RNF141: variants seen among roughly 807,000 people sequenced by gnomAD.
RNF141 encodes the protein ring finger protein 141, also known as C3HC4-like zinc finger protein.
In RNF141, 18 loss-of-function variants were observed where a neutral mutation model predicts 27.4. That is an observed-to-expected ratio of 0.66 (90% CI 0.45 to 0.97). The LOEUF (loss-of-function observed/expected upper bound fraction) is 0.97. Among genes scored for constraint, RNF141 ranks in the 50% least tolerant of loss-of-function variants. The probability of loss-of-function intolerance (pLI) is 0.00; values close to 1 mark genes in which losing one functional copy is unlikely to be tolerated. For missense variants in RNF141, 230 were observed against 279.4 expected, an observed-to-expected ratio of 0.82 and a Z score of 1.26; for synonymous variants, 97 against 96.6, an observed-to-expected ratio of 1.00 and a Z score of -0.02.
At chr11:10,520,388 AAC>A (rs1270166928) in intron 4 of RNF141, among the ~76,000 whole-genome samples, 1 of 152,160 alleles carries the variant, frequency 6.6e-6, no homozygotes, top group Non-Finnish European at 1.5e-5. Flanking sequence ...ACTAAGACAT[AAC>A]ACACACATTA....
chr11:10,540,927 G>A (rs1485052052), intron 1 of RNF141, 195 bp downstream of exon 1: 1 of 152,276 alleles, frequency 6.6e-6, no homozygotes, highest in Non-Finnish European at 1.5e-5. Flanking sequence ...GGCAGAAGAC[G>A]GGCGTCAATA....
At chr11:10,540,413 C>T (rs1850085922) in intron 1 of RNF141, among the ~76,000 whole-genome samples, 1 of 152,128 alleles carries the variant, frequency 6.6e-6, no homozygotes, top group African/African-American at 2.4e-5. Flanking sequence ...TTTGTAACGC[C>T]GAGACAAATA....
chr11:10,534,097 G>C lies in RNF141; in HGVS notation c.62C>G (p.Ala21Gly). The change falls in exon 2 of 6, where the codon GCA (alanine) becomes GGA (glycine). Residue 21 changes from alanine (A) to glycine (G), a missense_variant. By Grantham distance (60) the Ala-to-Gly change is moderately conservative. Transcript: ENST00000265981. ...LVINKLPEKV[A>G]KHVTLVRESG... The stretch of plus-strand genomic sequence containing the variant: ...CTCTCGAACCAACGTAACATGTTTT[G>C]CTACTTTTTCTGGTAACTTGTTAAT... 1.2e-6 allele frequency: 2 copies of C among 1,613,600 alleles called. No individual in the cohort carries two copies. Among genetic ancestry groups the C allele is most frequent in the Non-Finnish European group, 8.5e-7 (1 of 1,179,658 alleles).
chr11:10,524,476 C>T lies in RNF141; in HGVS notation c.434+716G>A, dbSNP rs1849915106. Among the ~76,000 whole-genome samples, 3 of 152,232 alleles carry T rather than the reference C, an allele frequency of 2.0e-5. No homozygotes were observed. The South Asian group carries it at 6.2e-4, about 32-fold the overall frequency. On this transcript the variant is annotated intron_variant, in intron 4 of 5. Transcript: ENST00000265981. ...AGGACACGGTGAATATAGATTTCTG[C>T]TATCTACCCAGTATGACAGTAAGAC...
chr11:10,536,966 T>C (rs1850042957), intron 1 of RNF141, among the ~76,000 whole-genome samples: 1 of 152,104 alleles, frequency 6.6e-6, no homozygotes, highest in Non-Finnish European at 1.5e-5. Context: ...AATTAGAACA[T>C]ATTCATGGGC....
intron 3 of RNF141, among the ~76,000 whole-genome samples, chr11:10,525,633 G>A (rs1192985553): frequency 6.6e-6 from 1 of 152,186 alleles, no homozygotes; most frequent in Non-Finnish European, 1.5e-5. Flanking sequence ...TTATGCTGTT[G>A]ATGGGTAAGG....
At chr11:10,535,372 AAAC>A (rs200764136) in intron 1 of RNF141, among the ~76,000 whole-genome samples, 1,954 of 151,702 alleles carry the variant, frequency 0.013, 37 homozygotes, top group African/African-American at 0.044. Context: ...AAAAAACAAA[AAAC>A]AACAGTTTTG....
intron 1 of RNF141, among the ~76,000 whole-genome samples, chr11:10,538,417 T>C (rs1314729798): frequency 6.6e-6 from 1 of 152,216 alleles, no homozygotes; most frequent in Non-Finnish European, 1.5e-5. Context: ...CTGCATACAA[T>C]ATAAAACCAC....
chr11:10,525,928 A>T (rs1849932393), intron 3 of RNF141, among the ~76,000 whole-genome samples: 1 of 152,168 alleles, frequency 6.6e-6, no homozygotes, highest in Admixed American at 6.5e-5. Context: ...GTTTAATATG[A>T]GGTGAAACCA....
intron 1 of RNF141, among the ~76,000 whole-genome samples, chr11:10,537,593 T>G (rs962537568): frequency 2.0e-5 from 3 of 151,934 alleles, no homozygotes; most frequent in Non-Finnish European, 4.4e-5. Flanking sequence ...TAAGACAGAT[T>G]AACAGGAGAA....
intron 1 of RNF141, chr11:10,540,810 T>G (rs1049908465): frequency 6.6e-6 from 1 of 152,204 alleles, no homozygotes; most frequent in Non-Finnish European, 1.5e-5. Flanking sequence ...GGCGGCAATA[T>G]TCAAACAACC....
chr11:10,527,852 A>T (rs905920744), intron 3 of RNF141, among the ~76,000 whole-genome samples: 1 of 152,162 alleles, frequency 6.6e-6, no homozygotes, highest in African/African-American at 2.4e-5. Context: ...GGGTGGTAGT[A>T]GCGTAGATGG....
chr11:10,518,432 T>C (rs1849859526), intron 5 of RNF141: 1 of 151,896 alleles, frequency 6.6e-6, no homozygotes, highest in Non-Finnish European at 1.5e-5. Context: ...TATTGATACA[T>C]GCTACAACAT....
At chr11:10,539,481 A>T (rs1850066408) in intron 1 of RNF141, among the ~76,000 whole-genome samples, 1 of 151,594 alleles carries the variant, frequency 6.6e-6, no homozygotes, top group Admixed American at 6.6e-5. Flanking sequence ...ATCAGTAATA[A>T]ATACCAAGTA....
At chr11:10,536,051 GAC>G (rs1850031883) in intron 1 of RNF141, among the ~76,000 whole-genome samples, 1 of 152,178 alleles carries the variant, frequency 6.6e-6, no homozygotes, top group Non-Finnish European at 1.5e-5. Flanking sequence ...GTGGAGAAGA[GAC>G]AGTAACCACA....
At chr11:10,533,582 CAT>C (rs889312957) in intron 2 of RNF141, among the ~76,000 whole-genome samples, 15 of 152,090 alleles carry the variant, frequency 9.9e-5, no homozygotes, top group African/African-American at 2.6e-4. Context: ...TACACACACA[CAT>C]GAATGAATTG....
intron 3 of RNF141, among the ~76,000 whole-genome samples, 197 bp from the exon 4 acceptor site, chr11:10,525,570 T>C (rs562002058): frequency 1.7e-4 from 26 of 152,326 alleles, no homozygotes; most frequent in African/African-American, 6.3e-4. Context: ...AAACTTCTTA[T>C]ACAAATTTAC....
chr11:10,526,627 C>T (rs1849938180), intron 3 of RNF141, among the ~76,000 whole-genome samples: 1 of 151,808 alleles, frequency 6.6e-6, no homozygotes, highest in African/African-American at 2.4e-5. Flanking sequence ...ACTAAAAGTA[C>T]AAAAAATTAG....
chr11:10,539,599 T>C (rs943707082), intron 1 of RNF141, among the ~76,000 whole-genome samples: 9 of 141,088 alleles, frequency 6.4e-5, no homozygotes, highest in Non-Finnish European at 1.1e-4. Flanking sequence ...CAAGTTAATA[T>C]AGATACATAG....
Sources: gnomAD v4.1 joint callset for allele counts (sites outside exome capture counted in the v4.1 genomes callset) on GRCh38, gnomAD v4.1.1 for gene constraint, MANE v1.5 for transcripts, NCBI Gene and HGNC (gene_info 2026-07-23, HGNC 2026-07-21) for gene names.